KAZN: variants seen among roughly 807,000 people sequenced by gnomAD.
KAZN encodes the protein kazrin.
A neutral mutation model predicts 87.4 loss-of-function variants in KAZN; 40 were observed. That is an observed-to-expected ratio of 0.46 (90% CI 0.36 to 0.60). The LOEUF (loss-of-function observed/expected upper bound fraction) is 0.60. Among genes scored for constraint, KAZN ranks in the 20% least tolerant of loss-of-function variants. KAZN has a pLI of 0.00. For missense variants in KAZN, 898 were observed against 1,073.9 expected (o/e 0.84, Z 2.29); for synonymous variants, 466 against 458.3 (o/e 1.02, Z -0.22).
At chr1:15,061,053 A>T (rs894137159) in intron 6 of KAZN, 7 of 152,216 alleles carry the variant, frequency 4.6e-5, no homozygotes, top group African/African-American at 1.7e-4. Flanking sequence ...ATAGGGTTAG[A>T]TCCTCAAATG....
chr1:14,040,090 T>TGTGA (rs71570175), intron 1 of KAZN, among the ~76,000 whole-genome samples: 16 of 110,150 alleles, frequency 1.5e-4, no homozygotes, highest in East Asian at 5.1e-4. Context: ...CGTGTGTGTG[T>TGTGA]GAGAGAGAGA....
chr1:14,831,311 C>G (rs1572597401), intron 1 of KAZN, among the ~76,000 whole-genome samples: 1 of 152,352 alleles, frequency 6.6e-6, no homozygotes, highest in East Asian at 1.9e-4. Context: ...TCTAACTGTT[C>G]TGGAGAATTC....
intron 1 of KAZN, among the ~76,000 whole-genome samples, chr1:14,796,217 C>A (rs1645823475): frequency 6.6e-6 from 1 of 152,196 alleles, no homozygotes; most frequent in African/African-American, 2.4e-5. Flanking sequence ...CTCACTCCTG[C>A]AAATAAGCAG....
chr1:14,594,516 T>C (rs1676373771), upstream of KAZN, among the ~76,000 whole-genome samples: 1 of 152,210 alleles, frequency 6.6e-6, no homozygotes, highest in Admixed American at 6.5e-5. Context: ...TTGAGAGTGA[T>C]AGCAGCAGTG....
intron 2 of KAZN, among the ~76,000 whole-genome samples, chr1:14,351,584 A>C (rs891979204): frequency 2.6e-5 from 4 of 152,006 alleles, no homozygotes; most frequent in Non-Finnish European, 4.4e-5. Flanking sequence ...AACAAACAAA[A>C]CATCAGAACC....
intron 1 of KAZN, among the ~76,000 whole-genome samples, chr1:14,001,238 G>A (rs1639779433): frequency 6.6e-6 from 1 of 152,096 alleles, no homozygotes; most frequent in Admixed American, 6.5e-5. Flanking sequence ...ACTCATGAAT[G>A]AACTCCCATT....
At chr1:14,792,534 T>C (rs1645705583) in intron 1 of KAZN, among the ~76,000 whole-genome samples, 1 of 152,124 alleles carries the variant, frequency 6.6e-6, no homozygotes. Context: ...CCTGGAGGTT[T>C]AGTGGCTTCC....
At chr1:14,414,676 A>C (rs1664601582) in intron 2 of KAZN, among the ~76,000 whole-genome samples, 1 of 152,200 alleles carries the variant, frequency 6.6e-6, no homozygotes, top group Non-Finnish European at 1.5e-5. Context: ...AAAACCATAC[A>C]TAGGGATGAT....
At chr1:14,733,122 G>C (rs932801298) in intron 1 of KAZN, among the ~76,000 whole-genome samples, 1 of 152,102 alleles carries the variant, frequency 6.6e-6, no homozygotes, top group African/African-American at 2.4e-5. Flanking sequence ...GGGATCTGTG[G>C]CTGCAAAGCG....
intron 2 of KAZN, among the ~76,000 whole-genome samples, chr1:14,335,218 T>C (rs1302505707): frequency 4.6e-5 from 7 of 151,132 alleles, no homozygotes; most frequent in Non-Finnish European, 8.9e-5. Flanking sequence ...TTTTTTTTTT[T>C]TGGAGATGGA....
intron 2 of KAZN, among the ~76,000 whole-genome samples, chr1:14,369,418 A>T (rs1660289180): frequency 6.6e-6 from 1 of 152,214 alleles, no homozygotes; most frequent in Non-Finnish European, 1.5e-5. Context: ...AAATCTGTGG[A>T]GAAATCTGTG....
intron 1 of KAZN, among the ~76,000 whole-genome samples, chr1:14,609,661 C>G (rs992433051): frequency 6.6e-6 from 1 of 152,210 alleles, no homozygotes; most frequent in Non-Finnish European, 1.5e-5. Flanking sequence ...TCTTGGCAAT[C>G]AAGAAGGTTC....
intron 4 of KAZN, among the ~76,000 whole-genome samples, chr1:15,055,480 C>CA (rs899340511): frequency 5.3e-5 from 8 of 151,256 alleles, no homozygotes; most frequent in South Asian, 2.1e-4. Context: ...CCAAACAAAA[C>CA]AAAAAAAAGG....
intron 1 of KAZN, among the ~76,000 whole-genome samples, chr1:14,711,843 G>A (rs1642504156): frequency 6.6e-6 from 1 of 152,194 alleles, no homozygotes; most frequent in Admixed American, 6.5e-5. Context: ...GACTCAGAGG[G>A]CCCAAAAGTC....
chr1:14,132,395 A>G (rs1645010635), intron 1 of KAZN, among the ~76,000 whole-genome samples: 1 of 152,150 alleles, frequency 6.6e-6, no homozygotes, highest in South Asian at 2.1e-4. Flanking sequence ...GCCCTGGCTC[A>G]GCAGAAACCA....
chr1:13,981,128 T>TAAAAG (rs375605048), intron 1 of KAZN, among the ~76,000 whole-genome samples: 1 of 134,464 alleles, frequency 7.4e-6, no homozygotes, highest in Admixed American at 7.4e-5. Flanking sequence ...TAAACACAGA[T>TAAAAG]TATATATAGT....
At chr1:14,399,572 C>T (rs1242088740) in intron 2 of KAZN, among the ~76,000 whole-genome samples, 5 of 152,110 alleles carry the variant, frequency 3.3e-5, no homozygotes, top group African/African-American at 1.2e-4. Flanking sequence ...GATGGGCTCA[C>T]GAGTCACCTG....
intron 2 of KAZN, among the ~76,000 whole-genome samples, chr1:15,013,701 C>T (rs1340043278): frequency 6.6e-6 from 1 of 151,476 alleles, no homozygotes; most frequent in Non-Finnish European, 1.5e-5. Context: ...GTTGAATGAG[C>T]TGAGATCGCA....
chr1:14,193,433 G>A (rs559908658), intron 2 of KAZN, among the ~76,000 whole-genome samples: 1 of 152,266 alleles, frequency 6.6e-6, no homozygotes, highest in African/African-American at 2.4e-5. Context: ...AGACATGCAT[G>A]GGGCTACCAG....
Sources: gnomAD v4.1 joint callset for allele counts (sites outside exome capture counted in the v4.1 genomes callset) on GRCh38, gnomAD v4.1.1 for gene constraint, MANE v1.5 for transcripts, NCBI Gene and HGNC (gene_info 2026-07-23, HGNC 2026-07-21) for gene names.